The following SSBP3 variants were observed in gnomAD, a reference collection of about 807,000 sequenced individuals.
SSBP3 encodes single-stranded DNA-binding protein 3.
Under a neutral mutation model 69.6 loss-of-function variants are expected in SSBP3, and 5 were observed. The ratio of observed to expected loss-of-function variants is 0.07; its 90% CI spans 0.04 to 0.15. The LOEUF is 0.15. SSBP3 is among the 10% of genes least tolerant of loss of function. The pLI is 1.00. For synonymous variants in SSBP3, 196 were observed against 193.4 expected, an observed-to-expected ratio of 1.01 and a Z score of -0.11; for missense variants, 312 against 534.0, an observed-to-expected ratio of 0.58 and a Z score of 4.10.
chr1:54,310,502 G>T (rs11206328), intron 4 of SSBP3, among the ~76,000 whole-genome samples: 140,917 of 152,202 alleles, frequency 0.93, 65,394 homozygotes, highest in East Asian at 1. Flanking sequence ...TTTTAATTGA[G>T]CTACAAAGAG....
chr1:54,263,014 T>C (rs1363505359), intron 5 of SSBP3, among the ~76,000 whole-genome samples: 1 of 152,224 alleles, frequency 6.6e-6, no homozygotes, highest in Non-Finnish European at 1.5e-5. Flanking sequence ...CTTGTTATTC[T>C]TTCTCCTGTA....
At chr1:54,272,628 C>T (rs1645214576) in intron 5 of SSBP3, among the ~76,000 whole-genome samples, 1 of 152,132 alleles carries the variant, frequency 6.6e-6, no homozygotes, top group Admixed American at 6.5e-5. Flanking sequence ...GTCTCCACTC[C>T]CATCCCCCTA....
At chr1:54,385,253 T>C (rs915037507) in intron 4 of SSBP3, among the ~76,000 whole-genome samples, 51 of 152,144 alleles carry the variant, frequency 3.4e-4, no homozygotes, top group African/African-American at 1.2e-3. Flanking sequence ...CTCAAGGACA[T>C]GGCTTGTGCT....
intron 4 of SSBP3, among the ~76,000 whole-genome samples, chr1:54,340,553 T>A (rs544205847): frequency 6.6e-6 from 1 of 152,292 alleles, no homozygotes; most frequent in South Asian, 2.1e-4. Context: ...CAAGGAGAAA[T>A]GAGTACACAC....
chr1:54,379,953 T>C (rs1032519305), intron 4 of SSBP3, among the ~76,000 whole-genome samples: 2 of 152,140 alleles, frequency 1.3e-5, no homozygotes, highest in African/African-American at 4.8e-5. Context: ...TTTTTGGGGC[T>C]GGGAAAGGGG....
rs371682246 is a variant in SSBP3, at chr1:54,308,557, C to A, written c.277-27030G>T. Among the ~76,000 whole-genome samples, 158 of 149,344 alleles carry A rather than the reference C, an allele frequency of 1.1e-3. 3 individuals are homozygous for A. In the South Asian group the frequency reaches 0.026, roughly 25 times the overall value. Reference sequence around the variant, plus strand: ...CGGAGCTTGCAGTGAGCCAAGATTGCGCCACTGCACTCCAGCCTGGCCGAC... The same window carrying A: ...CGGAGCTTGCAGTGAGCCAAGATTGAGCCACTGCACTCCAGCCTGGCCGAC... On this transcript the variant is annotated intron_variant, in intron 4 of 17. Coordinates refer to ENST00000610401, the Ensembl canonical transcript of SSBP3.
intron 4 of SSBP3, among the ~76,000 whole-genome samples, chr1:54,391,748 C>G (rs1478083587): frequency 6.6e-6 from 1 of 152,214 alleles, no homozygotes. Context: ...CAGCTGTCAC[C>G]AGGAGGGGAC....
chr1:54,386,754 C>G (rs1246301632), intron 4 of SSBP3, among the ~76,000 whole-genome samples: 1 of 136,376 alleles, frequency 7.3e-6, no homozygotes, highest in Non-Finnish European at 1.5e-5. Context: ...TAGCTCACTG[C>G]AGCCTCCAAC....
chr1:54,239,324 T>G, intron 13 of SSBP3, 125 bp from the exon 14 acceptor site: 2 of 706,714 alleles, frequency 2.8e-6, no homozygotes, highest in Non-Finnish European at 4.6e-6. Context: ...GTACCACCAT[T>G]TTCTGGCTAA....
At chr1:54,290,697 G>A (rs1197911266) in intron 4 of SSBP3, among the ~76,000 whole-genome samples, 1 of 152,168 alleles carries the variant, frequency 6.6e-6, no homozygotes, top group African/African-American at 2.4e-5. Flanking sequence ...GTGAGGGAGT[G>A]GATCCCAGCC....
intron 4 of SSBP3, among the ~76,000 whole-genome samples, chr1:54,295,941 T>C (rs1190728568): frequency 6.6e-6 from 1 of 152,254 alleles, no homozygotes; most frequent in Non-Finnish European, 1.5e-5. Context: ...TTTTTCTACC[T>C]GGTCTTATTA....
intron 4 of SSBP3, among the ~76,000 whole-genome samples, chr1:54,283,007 C>T (rs944638766): frequency 6.6e-6 from 1 of 152,226 alleles, no homozygotes; most frequent in Non-Finnish European, 1.5e-5. Context: ...TGGCTCACTC[C>T]TGTAACCCCG....
chr1:54,401,901 G>A, exon 4 of SSBP3: 1 of 1,614,116 alleles, frequency 6.2e-7, no homozygotes, highest in Non-Finnish European at 8.5e-7. Flanking sequence ...ATGTTCACAA[G>A]TGTCTCTCCT....
intron 4 of SSBP3, among the ~76,000 whole-genome samples, chr1:54,316,657 AAATAAAAT>A (rs1245237001): frequency 0.041 from 1,541 of 37,902 alleles, 191 homozygotes; most frequent in African/African-American, 0.095. Flanking sequence ...CAAAAAAAAA[AAATAAAAT>A]AAATAAATAA....
chr1:54,269,426 G>A (rs1312044886), intron 5 of SSBP3, among the ~76,000 whole-genome samples: 2 of 152,206 alleles, frequency 1.3e-5, no homozygotes, highest in African/African-American at 2.4e-5. Context: ...TACAGGTGGG[G>A]ACACTATGGT....
At chr1:54,281,558 G>A in intron 4 of SSBP3, 31 bp from the exon 5 acceptor site, 3 of 1,539,334 alleles carry the variant, frequency 1.9e-6, no homozygotes, top group Non-Finnish European at 2.6e-6. Flanking sequence ...AGAGTTAGTG[G>A]CCAAACCCAC....
chr1:54,404,146 T>G (rs576492173), intron 3 of SSBP3, among the ~76,000 whole-genome samples: 101 of 152,168 alleles, frequency 6.6e-4, no homozygotes, highest in Non-Finnish European at 1.1e-3. Flanking sequence ...GTAGATGTCC[T>G]CTCTTAAGGT....
intron 4 of SSBP3, among the ~76,000 whole-genome samples, chr1:54,288,568 C>A (rs566371316): frequency 7.8e-6 from 1 of 128,652 alleles, no homozygotes; most frequent in East Asian, 2.2e-4. Flanking sequence ...TCATTTTGAT[C>A]CCATACATCA....
chr1:54,324,949 G>A (rs1004399742), intron 4 of SSBP3, among the ~76,000 whole-genome samples: 7 of 152,204 alleles, frequency 4.6e-5, no homozygotes, highest in Non-Finnish European at 1.0e-4. Context: ...GAGCCAGGCA[G>A]AAAGCCGCTC....
Sources: allele counts gnomAD v4.1 joint callset (sites outside exome capture counted in the v4.1 genomes callset), GRCh38; gene constraint gnomAD v4.1.1; transcripts MANE v1.5; gene names NCBI Gene and HGNC (gene_info 2026-07-23, HGNC 2026-07-21).